SEMA3A: variants seen among roughly 807,000 people sequenced by gnomAD.
The protein encoded by SEMA3A is semaphorin-3A.
Under a neutral mutation model 97.9 loss-of-function variants are expected in SEMA3A, and 29 were observed. The ratio of observed to expected loss-of-function variants is 0.30; its 90% CI spans 0.22 to 0.40. The LOEUF is 0.40. Among genes scored for constraint, SEMA3A ranks in the 10% least tolerant of loss-of-function variants. The probability of loss-of-function intolerance (pLI) is 1.00; values close to 1 mark genes in which losing one functional copy is unlikely to be tolerated. For missense variants in SEMA3A, 763 were observed against 951.3 expected (o/e 0.80, Z 2.60); for synonymous variants, 321 against 323.7 (o/e 0.99, Z 0.09).
At chr7:84,355,072 T>C (rs1392408845) in intron 2 of SEMA3A, among the ~76,000 whole-genome samples, 1 of 151,782 alleles carries the variant, frequency 6.6e-6, no homozygotes, top group African/African-American at 2.4e-5. Flanking sequence ...AAATTAAGTA[T>C]ACAGAATGGA....
chr7:84,225,030 T>C (rs921138582), intron 3 of SEMA3A, among the ~76,000 whole-genome samples: 3 of 152,120 alleles, frequency 2.0e-5, no homozygotes, highest in Admixed American at 1.3e-4. Flanking sequence ...TTACAAAGTA[T>C]AGAATGAGAA....
At chr7:84,091,308 G>GAAAA (rs1794595416) in intron 4 of SEMA3A, among the ~76,000 whole-genome samples, 1 of 133,716 alleles carries the variant, frequency 7.5e-6, no homozygotes, top group South Asian at 2.4e-4. Context: ...GAAAAAGAAA[G>GAAAA]GAAGGAAGGA....
chr7:84,273,039 T>C (rs576474574), intron 3 of SEMA3A, among the ~76,000 whole-genome samples: 1 of 152,246 alleles, frequency 6.6e-6, no homozygotes, highest in Admixed American at 6.6e-5. Context: ...AGAGGTTTAA[T>C]ACTCAGGAAT....
chr7:84,343,507 A>C (rs1054836704), intron 2 of SEMA3A, among the ~76,000 whole-genome samples: 3 of 152,216 alleles, frequency 2.0e-5, no homozygotes, highest in Admixed American at 2.0e-4. Context: ...TAATTCAGCC[A>C]GTTTCTAAAA....
chr7:84,410,674 C>A (rs534292981), intron 1 of SEMA3A, among the ~76,000 whole-genome samples: 1 of 152,108 alleles, frequency 6.6e-6, no homozygotes, highest in African/African-American at 2.4e-5. Context: ...GCGTGCACCA[C>A]CACATGTTTT....
intron 1 of SEMA3A, among the ~76,000 whole-genome samples, chr7:84,430,412 TA>T (rs1388114416): frequency 6.6e-6 from 1 of 152,020 alleles, no homozygotes; most frequent in East Asian, 1.9e-4. Flanking sequence ...TCATAACACT[TA>T]AAAAACCAAT....
At chr7:84,032,116 C>CT (rs1315068418) in intron 6 of SEMA3A, among the ~76,000 whole-genome samples, 1 of 152,050 alleles carries the variant, frequency 6.6e-6, no homozygotes, top group Non-Finnish European at 1.5e-5. Flanking sequence ...CACCTGTTTC[C>CT]TAGGGCATGC....
At chr7:84,490,840 G>A (rs1307433464) in intron 1 of SEMA3A, among the ~76,000 whole-genome samples, 2 of 152,174 alleles carry the variant, frequency 1.3e-5, no homozygotes, top group African/African-American at 2.4e-5. Context: ...ACACGGTTAC[G>A]GCATTCATAT....
rs1805276966 is a variant in SEMA3A at position 84,441,650 on chromosome 7, T to C, written c.-246+50810A>G. On this transcript the variant is annotated intron_variant, in intron 1 of 3. Coordinates refer to the SEMA3A transcript ENST00000424555. The stretch of plus-strand genomic sequence containing the variant: ...AAAGATGGCAAAAACTTCCCAAATT[T>C]AGTGAAAGAAGAATATACACATTAA... Among the ~76,000 whole-genome samples, 3 of 152,196 alleles carry C rather than the reference T, an allele frequency of 2.0e-5. No homozygotes were observed. The South Asian group carries it at 6.2e-4, about 32-fold the overall frequency.
chr7:84,279,741 A>G, intron 3 of SEMA3A, among the ~76,000 whole-genome samples: 1 of 152,310 alleles, frequency 6.6e-6, no homozygotes, highest in South Asian at 2.1e-4. Context: ...GAAATAGTAG[A>G]CTATATGTGA....
At chr7:84,146,582 A>G (rs1796469161) in intron 1 of SEMA3A, among the ~76,000 whole-genome samples, 2 of 152,186 alleles carry the variant, frequency 1.3e-5, no homozygotes, top group Admixed American at 1.3e-4. Context: ...TTACTTCTTG[A>G]GGGAATAACT....
At chr7:84,330,529 T>C (rs560707058) in intron 2 of SEMA3A, among the ~76,000 whole-genome samples, 3 of 152,058 alleles carry the variant, frequency 2.0e-5, no homozygotes, top group Admixed American at 6.6e-5. Flanking sequence ...GTGGCAGAGA[T>C]GGTGAGGACA....
At chr7:84,214,820 T>C (rs1458324990) in intron 3 of SEMA3A, among the ~76,000 whole-genome samples, 1 of 150,980 alleles carries the variant, frequency 6.6e-6, no homozygotes, top group African/African-American at 2.4e-5. Context: ...TGCCCCAGCC[T>C]CCTGAGTAGC....
intron 3 of SEMA3A, among the ~76,000 whole-genome samples, chr7:84,116,455 C>T (rs1394344707): frequency 6.6e-6 from 1 of 152,066 alleles, no homozygotes; most frequent in Non-Finnish European, 1.5e-5. Flanking sequence ...GTCAAATGCC[C>T]ATAGGGTAAA....
At chr7:84,171,741 A>T (rs1205177213) in intron 1 of SEMA3A, among the ~76,000 whole-genome samples, 1 of 152,158 alleles carries the variant, frequency 6.6e-6, no homozygotes, top group African/African-American at 2.4e-5. Context: ...TCATACTTGA[A>T]CTGCTTTGAT....
chr7:84,047,737 T>G (rs914862600), intron 5 of SEMA3A, among the ~76,000 whole-genome samples: 2 of 152,102 alleles, frequency 1.3e-5, no homozygotes, highest in Admixed American at 6.6e-5. Context: ...TGTTTATTTG[T>G]TGATTTGGAA....
Position 83,958,881 on chromosome 7 carries a change from A to G in SEMA3A, c.*2490T>C, listed in dbSNP as rs752616727. The G allele has an allele frequency of 2.1e-4, 32 of 152,244 alleles. No homozygotes were observed. The highest frequency in any genetic ancestry group is 4.1e-4 in the Non-Finnish European group (28 of 67,944). The allele number at this position is 152,244 out of a possible 1,614,324, so 9.4% of individuals were successfully genotyped here. On this transcript the variant is annotated 3_prime_UTR_variant, in exon 17 of 17. Transcript: ENST00000265362. ...TTCGTAAGGTCACATGAGTCTCTCA[A>G]ACAGTTTCATCTCTGATGATTCATG... is the stretch of plus-strand genomic sequence containing the variant.
chr7:84,475,085 C>A (rs1806247749), intron 1 of SEMA3A, among the ~76,000 whole-genome samples: 1 of 152,124 alleles, frequency 6.6e-6, no homozygotes, highest in African/African-American at 2.4e-5. Context: ...TCTCCCCCAA[C>A]CCCCAAGAGT....
chr7:84,344,007 C>CA (rs375378419), intron 2 of SEMA3A, among the ~76,000 whole-genome samples: 1 of 144,156 alleles, frequency 6.9e-6, no homozygotes, highest in East Asian at 2.2e-4. Flanking sequence ...CACTTTGTTT[C>CA]GGGGAAAAAA....
Sources: allele counts gnomAD v4.1 joint callset (sites outside exome capture counted in the v4.1 genomes callset), GRCh38; gene constraint gnomAD v4.1.1; transcripts MANE v1.5; gene names NCBI Gene and HGNC (gene_info 2026-07-23, HGNC 2026-07-21).